The following ABCC4 variants were observed in gnomAD, a reference collection of about 807,000 sequenced individuals.
The protein encoded by ABCC4 is ATP binding cassette subfamily C member 4 (PEL blood group).
ABCC4 carries 102 observed loss-of-function variants against 168.5 expected under a neutral mutation model. That is an observed-to-expected ratio of 0.61 (90% CI 0.52 to 0.71). ABCC4 has a LOEUF of 0.71. Among genes scored for constraint, ABCC4 ranks in the 30% least tolerant of loss-of-function variants. The pLI, the probability that ABCC4 is intolerant of heterozygous loss-of-function variation, is 0.00. For synonymous variants in ABCC4, 617 were observed against 590.7 expected (o/e 1.04, Z -0.65); for missense variants, 1,402 against 1,605.8 (o/e 0.87, Z 2.17).
intron 1 of ABCC4, among the ~76,000 whole-genome samples, chr13:95,256,917 G>C (rs879671681): frequency 6.6e-6 from 1 of 152,124 alleles, no homozygotes; most frequent in Admixed American, 6.5e-5. Flanking sequence ...GCCAGACTAA[G>C]GAATAAGACT....
chr13:95,218,220 C>A (rs1330085822), intron 4 of ABCC4, among the ~76,000 whole-genome samples: 1 of 152,106 alleles, frequency 6.6e-6, no homozygotes, highest in Non-Finnish European at 1.5e-5. Flanking sequence ...CAGAAAATTG[C>A]CTGTATTTTT....
chr13:95,284,848 A>AC, intron 1 of ABCC4, among the ~76,000 whole-genome samples: 1 of 152,192 alleles, frequency 6.6e-6, no homozygotes, highest in African/African-American at 2.4e-5. Flanking sequence ...AATAGTACCC[A>AC]CCCCAAAGGT....
chr13:95,108,844 C>T (rs2035101350), intron 20 of ABCC4, among the ~76,000 whole-genome samples: 1 of 152,010 alleles, frequency 6.6e-6, no homozygotes, highest in Non-Finnish European at 1.5e-5. Flanking sequence ...GGAGACCTGG[C>T]ACCTGTTCCT....
intron 19 of ABCC4, among the ~76,000 whole-genome samples, chr13:95,159,610 G>A (rs913265281): frequency 2.0e-5 from 3 of 152,150 alleles, no homozygotes; most frequent in African/African-American, 7.2e-5. Flanking sequence ...CCCACTTAAT[G>A]CTCCAAATGT....
intron 4 of ABCC4, among the ~76,000 whole-genome samples, chr13:95,211,073 A>G (rs1246067174): frequency 6.6e-6 from 1 of 152,234 alleles, no homozygotes; most frequent in African/African-American, 2.4e-5. Flanking sequence ...AGAGCCAACC[A>G]AAGTAATTTT....
intron 1 of ABCC4, among the ~76,000 whole-genome samples, chr13:95,293,942 A>G (rs188246061): frequency 6.6e-6 from 1 of 151,992 alleles, no homozygotes; most frequent in Admixed American, 6.6e-5. Flanking sequence ...ACCATGAAAG[A>G]AGGCAGGGTG....
At chr13:95,296,634 C>T (rs1260515920) in intron 1 of ABCC4, among the ~76,000 whole-genome samples, 1 of 152,156 alleles carries the variant, frequency 6.6e-6, no homozygotes, top group Non-Finnish European at 1.5e-5. Context: ...CCTCTCAATG[C>T]CCATATTTAG....
chr13:95,175,185 G>A (rs763439257), intron 13 of ABCC4, among the ~76,000 whole-genome samples: 5 of 152,196 alleles, frequency 3.3e-5, no homozygotes, highest in African/African-American at 7.2e-5. Context: ...TCACACAGCC[G>A]ACTCGCTATC....
chr13:95,212,002 C>A (rs532462721), intron 4 of ABCC4, among the ~76,000 whole-genome samples: 4 of 151,930 alleles, frequency 2.6e-5, no homozygotes, highest in African/African-American at 9.7e-5. Flanking sequence ...CATGGTGAAA[C>A]CCTGTCTCTA....
chr13:95,178,976 G>A (rs2037801395), intron 11 of ABCC4, among the ~76,000 whole-genome samples: 1 of 152,128 alleles, frequency 6.6e-6, no homozygotes, highest in South Asian at 2.1e-4. Context: ...GACAAGGGAA[G>A]AACAGGGTTA....
intron 4 of ABCC4, among the ~76,000 whole-genome samples, chr13:95,225,585 G>T (rs902953391): frequency 2.0e-5 from 3 of 152,098 alleles, no homozygotes; most frequent in Non-Finnish European, 4.4e-5. Flanking sequence ...CAGGGTAATT[G>T]CTTGAGCCCA....
intron 19 of ABCC4, among the ~76,000 whole-genome samples, chr13:95,141,750 A>G (rs1435488613): frequency 6.6e-6 from 1 of 152,208 alleles, no homozygotes; most frequent in Non-Finnish European, 1.5e-5. Flanking sequence ...TGTGTTATTC[A>G]GTAAACCTAT....
chr13:95,096,190 A>G, intron 20 of ABCC4: 1 of 638,346 alleles, frequency 1.6e-6, no homozygotes, highest in East Asian at 3.0e-5. Flanking sequence ...CTATGAAAGA[A>G]AAAAAAAAAC....
chr13:95,028,069 G>C (rs2031634691), intron 30 of ABCC4, among the ~76,000 whole-genome samples: 1 of 152,068 alleles, frequency 6.6e-6, no homozygotes, highest in Non-Finnish European at 1.5e-5. Flanking sequence ...TCAAAGAAAG[G>C]TGTGTTAAAA....
At chr13:95,034,460 G>A (rs999483855) in intron 30 of ABCC4, 145 bp downstream of exon 30, 32 of 1,255,802 alleles carry the variant, frequency 2.5e-5, no homozygotes, top group Admixed American at 5.8e-5. Context: ...GGGACGTGCC[G>A]TTAAGACCCA....
intron 4 of ABCC4, among the ~76,000 whole-genome samples, chr13:95,230,244 T>A (rs1156725495): frequency 6.6e-6 from 1 of 152,198 alleles, no homozygotes. Flanking sequence ...CAAACCACCA[T>A]GAACCATTTC....
intron 20 of ABCC4, among the ~76,000 whole-genome samples, chr13:95,090,275 C>T (rs1371691819): frequency 1.3e-5 from 2 of 152,216 alleles, no homozygotes; most frequent in East Asian, 1.9e-4. Context: ...ACAGCTAATG[C>T]TCTCTGCAAA....
intron 6 of ABCC4, among the ~76,000 whole-genome samples, chr13:95,208,553 G>A (rs1458337844): frequency 6.7e-6 from 1 of 148,188 alleles, no homozygotes; most frequent in East Asian, 2.0e-4. Context: ...GTTGGAACCT[G>A]CTTCAAGTCT....
chr13:95,084,774 C>T (rs1328692927), intron 20 of ABCC4, among the ~76,000 whole-genome samples: 3 of 152,168 alleles, frequency 2.0e-5, no homozygotes, highest in Non-Finnish European at 2.9e-5. Flanking sequence ...ACTGTGCTAA[C>T]GGGTCTGTGA....
Sources: gnomAD v4.1 joint callset for allele counts (sites outside exome capture counted in the v4.1 genomes callset) on GRCh38, gnomAD v4.1.1 for gene constraint, MANE v1.5 for transcripts, NCBI Gene and HGNC (gene_info 2026-07-23, HGNC 2026-07-21) for gene names.